Variants in CAPRIN2 observed in about 807,000 individuals in gnomAD.
The protein encoded by CAPRIN2 is caprin family member 2.
In CAPRIN2, 66 loss-of-function variants were observed where a neutral mutation model predicts 130.4. The ratio of observed to expected loss-of-function variants is 0.51; its 90% confidence interval spans 0.42 to 0.62. CAPRIN2 has a LOEUF of 0.62. CAPRIN2 is among the 20% of genes least tolerant of loss of function. The pLI, the probability that CAPRIN2 is intolerant of heterozygous loss-of-function variation, is 0.00. For synonymous variants in CAPRIN2, 471 were observed against 444.1 expected, an observed-to-expected ratio of 1.06 and a Z score of -0.76; for missense variants, 1,185 against 1,246.6, an observed-to-expected ratio of 0.95 and a Z score of 0.74.
At chr12:30,740,698 TAATA>T (rs2067068279) in intron 3 of CAPRIN2, among the ~76,000 whole-genome samples, 2 of 152,216 alleles carry the variant, frequency 1.3e-5, no homozygotes, top group South Asian at 4.1e-4. Context: ...AAAATATCTT[TAATA>T]AATATACCTT....
exon 8 of CAPRIN2, chr12:30,728,663 G>A (rs752923568): frequency 6.2e-7 from 1 of 1,607,898 alleles, no homozygotes; most frequent in East Asian, 2.2e-5. Context: ...TGGGTTCTGT[G>A]TTCAACTTCC....
chr12:30,716,463 G>A, intron 13 of CAPRIN2, 45 bp downstream of exon 15: 1 of 1,548,328 alleles, frequency 6.5e-7, no homozygotes, highest in Non-Finnish European at 8.9e-7. Context: ...CCATTCAATT[G>A]GCTGTCCCTC....
At chr12:30,750,069 A>T (rs558855365) in intron 2 of CAPRIN2, among the ~76,000 whole-genome samples, 2 of 152,356 alleles carry the variant, frequency 1.3e-5, no homozygotes, top group Admixed American at 6.5e-5. Flanking sequence ...TATTGAACAC[A>T]CCGTGATTTT....
At position 30,718,202 on chromosome 12, in the gene CAPRIN2, T is replaced by C. The variant is rs558993793; in HGVS notation, c.2149-1526A>G. 7.2e-5 allele frequency among the ~76,000 whole-genome samples: 11 copies of C among 152,310 alleles called. 1 individual carries two copies. In the East Asian group the frequency reaches 2.1e-3, roughly 29 times the overall value. On this transcript the variant is annotated intron_variant, in intron 12 of 16. Coordinates refer to ENST00000298892, the Ensembl canonical transcript of CAPRIN2. Reference sequence around the variant, plus strand: ...GTAATGGAACACTGCTTGCTTTTAATTAGACAAAAGAAAAGGTAAAACCAA... The same window carrying C: ...GTAATGGAACACTGCTTGCTTTTAACTAGACAAAAGAAAAGGTAAAACCAA...
intron 2 of CAPRIN2, among the ~76,000 whole-genome samples, chr12:30,747,222 A>C (rs1023811631): frequency 9.2e-5 from 14 of 152,166 alleles, no homozygotes; most frequent in Non-Finnish European, 1.5e-5. Flanking sequence ...GCTCAGAAAA[A>C]AAAGATTTCT....
At chr12:30,745,082 C>T (rs11051053) in intron 2 of CAPRIN2, among the ~76,000 whole-genome samples, 71,905 of 151,970 alleles carry the variant, frequency 0.47, 17,445 homozygotes, top group African/African-American at 0.52. Flanking sequence ...AGTGGAATTA[C>T]AAAAGAGGGA....
At chr12:30,747,034 A>G (rs2070878995) in intron 2 of CAPRIN2, among the ~76,000 whole-genome samples, 1 of 152,164 alleles carries the variant, frequency 6.6e-6, no homozygotes, top group Non-Finnish European at 1.5e-5. Context: ...GTTAGGGTCT[A>G]ATGCAGCTGA....
rs1225228999 is a variant in CAPRIN2, at chr12:30,710,905, CAG to C, written c.2666-437_2666-436del. ...TTAGAACTACTAGCCACTAGCCATT[CAG>C]AGATATATTGATATGGAACTAAGTC... On this transcript the variant is annotated intron_variant, in intron 16 of 16. Coordinates refer to ENST00000298892, the Ensembl canonical transcript of CAPRIN2. The surrounding 1 kb of genome is among the most constrained non-coding windows in gnomAD (Gnocchi z 4.8). Among the ~76,000 whole-genome samples the C allele has an allele frequency of 1.3e-5, 2 of 152,202 alleles. No homozygotes were observed. The highest frequency in any genetic ancestry group is 4.8e-5 in the African/African-American group (2 of 41,458).
intron 14 of CAPRIN2, 140 bp downstream of exon 16, chr12:30,714,819 A>C: frequency 3.4e-6 from 2 of 586,204 alleles, no homozygotes; most frequent in Non-Finnish European, 3.0e-6. Context: ...TATATTAAAA[A>C]TACTTTATTA....
chr12:30,746,122 C>T (rs992558284), intron 2 of CAPRIN2, among the ~76,000 whole-genome samples: 8 of 120,790 alleles, frequency 6.6e-5, no homozygotes, highest in Admixed American at 2.2e-4. Flanking sequence ...AACACTGCCA[C>T]GATATTAAAA....
intron 13 of CAPRIN2, 49 bp from the exon 16 acceptor site, chr12:30,715,190 C>T: frequency 1.3e-6 from 2 of 1,496,132 alleles, no homozygotes; most frequent in Non-Finnish European, 1.8e-6. Context: ...TGGTAATAGT[C>T]TTTATACTTA....
At position 30,720,756 on chromosome 12, in the gene CAPRIN2, AC is replaced by A; in HGVS notation, c.2148+54del. On this transcript the variant is annotated intron_variant, in intron 12 of 16. Transcript: ENST00000298892. Reference sequence around the variant, plus strand: ...ATCATGCCTGTAATTCATAAGATAAACTGGTTCTGCTATTCTTTAAGATACA... The same window carrying A: ...ATCATGCCTGTAATTCATAAGATAAATGGTTCTGCTATTCTTTAAGATACA... 3.0e-6 allele frequency: 3 copies of A among 997,030 alleles called. 1 individual carries two copies. In the South Asian group the frequency reaches 3.9e-5, roughly 13 times the overall value. 61.8% of individuals were successfully genotyped at this position (997,030 alleles called of 1,614,324 possible).
At chr12:30,740,989 G>A (rs1427420872) in intron 3 of CAPRIN2, 31 bp downstream of exon 4, 1 of 1,403,868 alleles carries the variant, frequency 7.1e-7, no homozygotes, top group Non-Finnish European at 1.0e-6. Context: ...GTTAAAACTG[G>A]TTTCAGGAAA....
Position 30,710,734 on chromosome 12 carries a change from G to A in CAPRIN2, c.2666-264C>T, listed in dbSNP as rs1048646062. Among the ~76,000 whole-genome samples, 12 of 152,136 alleles carry A rather than the reference G, an allele frequency of 7.9e-5. No homozygotes were observed. The highest frequency in any genetic ancestry group is 1.6e-4 in the Non-Finnish European group (11 of 68,028). On this transcript the variant is annotated intron_variant, in intron 16 of 16. Coordinates refer to ENST00000298892, the Ensembl canonical transcript of CAPRIN2. The surrounding 1 kb of genome is among the most constrained non-coding windows in gnomAD (Gnocchi z 4.8). ...AGAAAATGTGGCCCCCAAAAGGCCA[G>A]ATAACTTAGCAAAGTCTAAAACTCA...
At chr12:30,709,822 G>A in exon 17 of CAPRIN2, 1 of 1,475,808 alleles carries the variant, frequency 6.8e-7, no homozygotes, top group Non-Finnish European at 9.1e-7. Context: ...AAACCAATCA[G>A]TCATGAGGGC....
At chr12:30,748,711 A>G (rs1187040590) in intron 2 of CAPRIN2, among the ~76,000 whole-genome samples, 1 of 152,008 alleles carries the variant, frequency 6.6e-6, no homozygotes, top group Non-Finnish European at 1.5e-5. Flanking sequence ...TTTCTACCTT[A>G]TATATTGCAT....
Position 30,724,369 on chromosome 12 carries a change from C to T in CAPRIN2, c.1987+1G>A. 2 of 1,598,402 alleles carry T rather than the reference C, an allele frequency of 1.3e-6. No homozygotes were observed. Among genetic ancestry groups the T allele is most frequent in the East Asian group, 4.5e-5 (2 of 44,796 alleles). On this transcript the variant is annotated splice_donor_variant, in intron 10 of 16. Transcript: ENST00000298892. LOFTEE classifies it high-confidence loss of function. The stretch of plus-strand genomic sequence containing the variant: ...TCCAAGTCTTTAGAATGATTACATA[C>T]CTACGGGGCTACCTGGAGTAGCTGA...
intron 11 of CAPRIN2, among the ~76,000 whole-genome samples, chr12:30,721,809 G>A (rs543492018): frequency 6.6e-6 from 1 of 152,256 alleles, no homozygotes; most frequent in South Asian, 2.1e-4. Context: ...TTGCTTTTTA[G>A]GAAGGAGACT....
chr12:30,721,543 C>T (rs2059406384), intron 11 of CAPRIN2, among the ~76,000 whole-genome samples: 1 of 152,070 alleles, frequency 6.6e-6, no homozygotes, highest in Non-Finnish European at 1.5e-5. Context: ...ACAACTGTAA[C>T]CAACAGAAAA....
Sources: gnomAD v4.1 joint callset for allele counts (sites outside exome capture counted in the v4.1 genomes callset) on GRCh38, gnomAD v4.1.1 for gene constraint, Gnocchi (gnomAD v3.1) non-coding constraint, MANE v1.5 for transcripts, NCBI Gene and HGNC (gene_info 2026-07-23, HGNC 2026-07-21) for gene names.